Variants in SDCCAG8 observed in about 807,000 individuals in gnomAD.
SDCCAG8 encodes serologically defined colon cancer antigen 8.
A neutral mutation model predicts 101.8 loss-of-function variants in SDCCAG8; 74 were observed. The observed-to-expected ratio is 0.73, with a 90% CI of 0.60 to 0.88. SDCCAG8 has a LOEUF of 0.88. Among genes scored for constraint, SDCCAG8 ranks in the 40% least tolerant of loss-of-function variants. The pLI is 0.00. For synonymous variants in SDCCAG8, 281 were observed against 292.9 expected, an observed-to-expected ratio of 0.96 and a Z score of 0.41; for missense variants, 787 against 822.6, an observed-to-expected ratio of 0.96 and a Z score of 0.53.
chr1:243,412,596 C>CT (rs989413689), intron 13 of SDCCAG8, among the ~76,000 whole-genome samples: 141 of 147,926 alleles, frequency 9.5e-4, no homozygotes, highest in Middle Eastern at 3.4e-3. Context: ...TTTTCTTTTC[C>CT]TTTTTTTTTT....
chr1:243,489,597 T>C (rs1665879298), intron 17 of SDCCAG8, among the ~76,000 whole-genome samples: 4 of 152,146 alleles, frequency 2.6e-5, no homozygotes, highest in Admixed American at 2.6e-4. Flanking sequence ...CATCCTAAAT[T>C]AGCTGACTGA....
At chr1:243,342,050 C>T (rs750860751) in intron 11 of SDCCAG8, among the ~76,000 whole-genome samples, 40 of 152,014 alleles carry the variant, frequency 2.6e-4, no homozygotes, top group Non-Finnish European at 4.3e-4. Context: ...CCATTTTACC[C>T]TTTTTCTTGA....
intron 16 of SDCCAG8, among the ~76,000 whole-genome samples, chr1:243,468,598 G>C (rs1660612730): frequency 6.6e-6 from 1 of 152,182 alleles, no homozygotes. Flanking sequence ...AAGGTGGGAG[G>C]ATCACTTGAG....
intron 12 of SDCCAG8, among the ~76,000 whole-genome samples, chr1:243,352,668 T>C (rs1390204449): frequency 6.6e-6 from 1 of 152,250 alleles, no homozygotes; most frequent in Non-Finnish European, 1.5e-5. Flanking sequence ...TACATATGCA[T>C]ACATTTAAAA....
chr1:243,485,902 A>T (rs1442160527), intron 16 of SDCCAG8, among the ~76,000 whole-genome samples: 2 of 147,220 alleles, frequency 1.4e-5, no homozygotes, highest in African/African-American at 2.5e-5. Flanking sequence ...AAGAAAAAAA[A>T]AAAAATCAAT....
chr1:243,432,524 C>T (rs1215251759), intron 16 of SDCCAG8, among the ~76,000 whole-genome samples: 2 of 151,958 alleles, frequency 1.3e-5, no homozygotes, highest in Non-Finnish European at 2.9e-5. Flanking sequence ...TACCCCTGAA[C>T]TTAAAAGTTT....
chr1:243,305,321 A>G (rs2071984618), intron 7 of SDCCAG8: 1 of 152,194 alleles, frequency 6.6e-6, no homozygotes, highest in South Asian at 2.1e-4. Context: ...AAAAAAAAAA[A>G]AAAGAAATAA....
intron 12 of SDCCAG8, among the ~76,000 whole-genome samples, chr1:243,360,820 T>TCAAAA (rs571680814): frequency 1.4e-4 from 21 of 151,844 alleles, no homozygotes; most frequent in Non-Finnish European, 2.1e-4. Flanking sequence ...AGACTCCATC[T>TCAAAA]CAAAACAAAA....
At chr1:243,285,484 T>C (rs78849109) in intron 4 of SDCCAG8, among the ~76,000 whole-genome samples, 3,560 of 152,344 alleles carry the variant, frequency 0.023, 66 homozygotes, top group Non-Finnish European at 0.036. Context: ...TTTTTTAAAT[T>C]ACAGCTTTTT....
At chr1:243,312,093 A>G (rs2072780547) in intron 8 of SDCCAG8, among the ~76,000 whole-genome samples, 1 of 152,222 alleles carries the variant, frequency 6.6e-6, no homozygotes, top group African/African-American at 2.4e-5. Flanking sequence ...TTTATTGTCA[A>G]TGAATTCTTC....
At chr1:243,465,669 G>A (rs1396724720) in intron 16 of SDCCAG8, among the ~76,000 whole-genome samples, 1 of 152,114 alleles carries the variant, frequency 6.6e-6, no homozygotes, top group Non-Finnish European at 1.5e-5. Context: ...TGATAGGATC[G>A]TTTTTCAGAC....
intron 5 of SDCCAG8, among the ~76,000 whole-genome samples, chr1:243,287,655 G>T (rs1178687891): frequency 6.6e-6 from 1 of 152,130 alleles, no homozygotes; most frequent in African/African-American, 2.4e-5. Flanking sequence ...CATCTTAGTT[G>T]CTTATGATTT....
intron 12 of SDCCAG8, among the ~76,000 whole-genome samples, chr1:243,373,981 G>C (rs981472353): frequency 4.6e-5 from 7 of 151,992 alleles, no homozygotes; most frequent in Admixed American, 4.6e-4. Context: ...GGAAACTGAG[G>C]CAACATATAA....
At chr1:243,304,465 G>C (rs1011453767) in intron 6 of SDCCAG8, among the ~76,000 whole-genome samples, 1 of 152,098 alleles carries the variant, frequency 6.6e-6, no homozygotes, top group African/African-American at 2.4e-5. Flanking sequence ...CACTTTTAGG[G>C]ATAAGACCTG....
chr1:243,385,006 G>A (rs115766721), intron 13 of SDCCAG8, among the ~76,000 whole-genome samples: 1 of 152,072 alleles, frequency 6.6e-6, no homozygotes, highest in Non-Finnish European at 1.5e-5. Context: ...GTCATAAGAC[G>A]CTGTGCTAGG....
In SDCCAG8 at chr1:243,417,994, TC is replaced by T; in HGVS notation, c.1774del (p.Gln592ArgfsTer5). 1 of 1,612,294 alleles carries T rather than the reference TC, an allele frequency of 6.2e-7. No individual in the cohort carries two copies. The highest frequency in any genetic ancestry group is 1.1e-5 in the South Asian group (1 of 91,060). ...TENEQYLLLT[S>X]QNTFLTKLKE... Reference sequence around the variant, plus strand: ...AAATGAACAGTATTTGTTGCTGACCTCCCAGAATACATTTTTGACAAAGTTA... The same window carrying T: ...AAATGAACAGTATTTGTTGCTGACCTCCAGAATACATTTTTGACAAAGTTA... On this transcript the variant is annotated frameshift_variant, in exon 15 of 18. Transcript: ENST00000366541. LOFTEE classifies it high-confidence loss of function.
At chr1:243,378,547 T>G (rs1226736055) in intron 12 of SDCCAG8, among the ~76,000 whole-genome samples, 174 bp from the exon 13 acceptor site, 1 of 152,214 alleles carries the variant, frequency 6.6e-6, no homozygotes, top group Non-Finnish European at 1.5e-5. Flanking sequence ...AAAACCTCAT[T>G]CATGTGCATT....
At chr1:243,350,441 C>T (rs1029339471) in intron 12 of SDCCAG8, among the ~76,000 whole-genome samples, 3 of 152,138 alleles carry the variant, frequency 2.0e-5, no homozygotes, top group African/African-American at 7.2e-5. Flanking sequence ...TGGTCTTGAA[C>T]TCCTGAGCTC....
chr1:243,420,820 C>T (rs928133575), intron 15 of SDCCAG8, among the ~76,000 whole-genome samples: 2 of 152,138 alleles, frequency 1.3e-5, no homozygotes, highest in African/African-American at 4.8e-5. Flanking sequence ...TTCAATAACT[C>T]ATTCATGTTA....
Sources: gnomAD v4.1 joint callset for allele counts (sites outside exome capture counted in the v4.1 genomes callset) on GRCh38, gnomAD v4.1.1 for gene constraint, MANE v1.5 for transcripts, NCBI Gene and HGNC (gene_info 2026-07-23, HGNC 2026-07-21) for gene names.